The following CLSTN2 variants were observed in gnomAD, a reference collection of about 807,000 sequenced individuals.
CLSTN2 encodes the protein calsyntenin 2.
CLSTN2 carries 48 observed loss-of-function variants against 101.2 expected under a neutral mutation model. The observed-to-expected ratio is 0.47, with a 90% CI of 0.38 to 0.60. The LOEUF is 0.60. CLSTN2 is among the 20% of genes least tolerant of loss of function. The pLI is 0.00. For missense variants in CLSTN2, 1,160 were observed against 1,238.2 expected (o/e 0.94, Z 0.95); for synonymous variants, 481 against 463.6 (o/e 1.04, Z -0.48).
intron 7 of CLSTN2, among the ~76,000 whole-genome samples, chr3:140,466,056 C>G (rs1933693488): frequency 1.3e-5 from 2 of 152,160 alleles, no homozygotes; most frequent in African/African-American, 4.8e-5. Context: ...AAAACTATCT[C>G]TAATGCTGGA....
intron 8 of CLSTN2, among the ~76,000 whole-genome samples, chr3:140,531,812 T>C (rs1935261083): frequency 6.6e-6 from 1 of 152,188 alleles, no homozygotes; most frequent in African/African-American, 2.4e-5. Flanking sequence ...AGCTGCCTTC[T>C]GTAGCCCTGG....
At chr3:140,151,911 A>T (rs2009873500) in intron 1 of CLSTN2, among the ~76,000 whole-genome samples, 1 of 152,132 alleles carries the variant, frequency 6.6e-6, no homozygotes, top group Admixed American at 6.5e-5. Flanking sequence ...GTGCTGAGAG[A>T]TGAGCTGACT....
chr3:140,046,609 C>T (rs145613288), intron 1 of CLSTN2, among the ~76,000 whole-genome samples: 10,356 of 151,962 alleles, frequency 0.068, 413 homozygotes, highest in East Asian at 0.16. Context: ...TTCCTAGCAT[C>T]GATGGTCTTT....
chr3:140,054,867 C>T (rs2008070994), intron 1 of CLSTN2, among the ~76,000 whole-genome samples: 1 of 152,152 alleles, frequency 6.6e-6, no homozygotes, highest in South Asian at 2.1e-4. Context: ...CTATGCCTAT[C>T]GGATTCTGTA....
chr3:140,084,358 G>A (rs574433890), intron 1 of CLSTN2, among the ~76,000 whole-genome samples: 1 of 152,282 alleles, frequency 6.6e-6, no homozygotes, highest in African/African-American at 2.4e-5. Flanking sequence ...ACTGGGCAGG[G>A]AATAGGAACA....
In CLSTN2 at chr3:140,210,123, T is replaced by G. The variant is rs530336926; in HGVS notation, c.232+34050T>G. On this transcript the variant is annotated intron_variant, in intron 2 of 16. Transcript: ENST00000458420. Reference sequence around the variant, plus strand: ...TATTAAGAGACTTCTGTGCATCATGTCATCTGTGTGATGACTCTGGGAGGT... The same window carrying G: ...TATTAAGAGACTTCTGTGCATCATGGCATCTGTGTGATGACTCTGGGAGGT... Among the ~76,000 whole-genome samples, 143 of 152,328 alleles carry G rather than the reference T, an allele frequency of 9.4e-4. 1 individual carries two copies. The highest frequency in any genetic ancestry group is 3.2e-3 in the African/African-American group (135 of 41,572).
intron 1 of CLSTN2, among the ~76,000 whole-genome samples, chr3:139,961,173 C>A (rs956081289): frequency 6.6e-6 from 1 of 152,160 alleles, no homozygotes; most frequent in Non-Finnish European, 1.5e-5. Flanking sequence ...TTAGACTCAG[C>A]CAAAGTTAGT....
At chr3:140,456,882 T>C (rs999977262) in intron 6 of CLSTN2, among the ~76,000 whole-genome samples, 1 of 152,166 alleles carries the variant, frequency 6.6e-6, no homozygotes, top group Non-Finnish European at 1.5e-5. Flanking sequence ...CTGGGTTATT[T>C]TGTAACCAAT....
chr3:140,484,527 G>A (rs1245002646), intron 8 of CLSTN2, among the ~76,000 whole-genome samples: 1 of 152,172 alleles, frequency 6.6e-6, no homozygotes, highest in Non-Finnish European at 1.5e-5. Flanking sequence ...CTAGGTTGGG[G>A]AAGTTCTCCT....
chr3:140,554,914 A>G (rs938649369), intron 10 of CLSTN2, among the ~76,000 whole-genome samples: 1 of 152,232 alleles, frequency 6.6e-6, no homozygotes, highest in African/African-American at 2.4e-5. Context: ...TATAAGAAAG[A>G]AAAAAATGGA....
intron 2 of CLSTN2, among the ~76,000 whole-genome samples, chr3:140,361,436 C>T (rs902381220): frequency 6.6e-6 from 1 of 152,136 alleles, no homozygotes; most frequent in Non-Finnish European, 1.5e-5. Flanking sequence ...TAAGGATACT[C>T]ATTCTCCATA....
intron 5 of CLSTN2, among the ~76,000 whole-genome samples, chr3:140,446,650 C>T (rs1933085865): frequency 6.6e-6 from 1 of 152,128 alleles, no homozygotes; most frequent in Non-Finnish European, 1.5e-5. Flanking sequence ...TGATGGGATG[C>T]CTGAGGCTTG....
chr3:140,095,657 G>A (rs2008857325), intron 1 of CLSTN2, among the ~76,000 whole-genome samples: 1 of 152,140 alleles, frequency 6.6e-6, no homozygotes, highest in East Asian at 1.9e-4. Context: ...AAAGTGTATG[G>A]AGACTTTTCC....
intron 1 of CLSTN2, among the ~76,000 whole-genome samples, chr3:140,039,281 T>C (rs2007716421): frequency 6.6e-6 from 1 of 152,138 alleles, no homozygotes; most frequent in Admixed American, 6.6e-5. Flanking sequence ...AATTTCTGGG[T>C]CCAGGGGGTA....
At chr3:140,178,253 C>T (rs923013422) in intron 2 of CLSTN2, among the ~76,000 whole-genome samples, 1 of 152,062 alleles carries the variant, frequency 6.6e-6, no homozygotes, top group African/African-American at 2.4e-5. Context: ...AAAAATACCT[C>T]AAGCAAATCT....
chr3:139,962,405 C>G (rs1219863066), intron 1 of CLSTN2, among the ~76,000 whole-genome samples: 1 of 152,130 alleles, frequency 6.6e-6, no homozygotes, highest in Admixed American at 6.5e-5. Context: ...CAACAGTTTT[C>G]TAATTTCCTT....
At chr3:140,527,653 A>G (rs1238712522) in intron 8 of CLSTN2, among the ~76,000 whole-genome samples, 3 of 152,330 alleles carry the variant, frequency 2.0e-5, no homozygotes, top group Middle Eastern at 3.4e-3. Context: ...AATAGCAAAG[A>G]CATGGAACCA....
intron 1 of CLSTN2, among the ~76,000 whole-genome samples, chr3:140,062,325 T>C (rs780109520): frequency 6.6e-6 from 1 of 152,202 alleles, no homozygotes; most frequent in Non-Finnish European, 1.5e-5. Flanking sequence ...GGGGTCCCTA[T>C]TCTACAGGCA....
intron 2 of CLSTN2, among the ~76,000 whole-genome samples, chr3:140,331,907 G>A (rs1208941984): frequency 1.3e-5 from 2 of 152,136 alleles, no homozygotes; most frequent in Non-Finnish European, 2.9e-5. Flanking sequence ...AACCACTACC[G>A]TGCTTATTAG....
Sources: allele counts gnomAD v4.1 joint callset (sites outside exome capture counted in the v4.1 genomes callset), GRCh38; gene constraint gnomAD v4.1.1; transcripts MANE v1.5; gene names NCBI Gene and HGNC (gene_info 2026-07-23, HGNC 2026-07-21).